Variants in PLPPR4 observed in about 807,000 individuals in gnomAD.
PLPPR4 encodes phospholipid phosphatase related 4.
A neutral mutation model predicts 56.6 loss-of-function variants in PLPPR4; 24 were observed. The ratio of observed to expected loss-of-function variants is 0.42; its 90% CI spans 0.31 to 0.60. The LOEUF (loss-of-function observed/expected upper bound fraction) is 0.60, where lower values mean the gene tolerates loss of function less well. PLPPR4 is among the 20% of genes least tolerant of loss of function. The pLI is 0.13. For missense variants in PLPPR4, 654 were observed against 885.8 expected (o/e 0.74, Z 3.32); for synonymous variants, 326 against 328.1 (o/e 0.99, Z 0.07).
intron 2 of PLPPR4, among the ~76,000 whole-genome samples, chr1:99,296,313 C>CAAT (rs2100805206): frequency 6.6e-6 from 1 of 152,294 alleles, no homozygotes. Flanking sequence ...TTCAAGTGAT[C>CAAT]AATACCTACA....
chr1:99,281,207 T>G (rs925599340), intron 1 of PLPPR4, among the ~76,000 whole-genome samples: 2 of 152,194 alleles, frequency 1.3e-5, no homozygotes, highest in African/African-American at 4.8e-5. Flanking sequence ...GTTAAGTGAC[T>G]TTCCCAAATC....
intron 2 of PLPPR4, among the ~76,000 whole-genome samples, chr1:99,294,243 T>G (rs1659688649): frequency 6.6e-6 from 1 of 152,092 alleles, no homozygotes; most frequent in African/African-American, 2.4e-5. Context: ...GTGACAGAAG[T>G]GAGTGTGAGG....
chr1:99,290,867 C>G (rs1216555856), intron 2 of PLPPR4, among the ~76,000 whole-genome samples: 4 of 151,990 alleles, frequency 2.6e-5, no homozygotes, highest in East Asian at 1.9e-4. Flanking sequence ...CAGTACCATT[C>G]AAGTCATAGG....
chr1:99,278,276 G>A (rs1659241853), intron 1 of PLPPR4, among the ~76,000 whole-genome samples: 1 of 151,980 alleles, frequency 6.6e-6, no homozygotes, highest in African/African-American at 2.4e-5. Context: ...GAATCTTACT[G>A]TATAACCTCA....
intron 1 of PLPPR4, among the ~76,000 whole-genome samples, chr1:99,285,038 TG>T (rs2100795869): frequency 6.6e-6 from 1 of 152,238 alleles, no homozygotes; most frequent in African/African-American, 2.4e-5. Context: ...TAAAGCTTCA[TG>T]AGAAAGGTGA....
intron 1 of PLPPR4, among the ~76,000 whole-genome samples, chr1:99,270,129 A>G (rs1031814364): frequency 6.6e-5 from 10 of 151,280 alleles, no homozygotes; most frequent in Middle Eastern, 3.4e-3. Flanking sequence ...GGTTCAAATG[A>G]TTCTCCCACT....
rs762002418 is a variant in PLPPR4, at chr1:99,299,241, G to C, written c.590+11G>C. The C allele has an allele frequency of 5.0e-6, 8 of 1,600,632 alleles. No individual in the cohort carries two copies. Among genetic ancestry groups the C allele is most frequent in the Non-Finnish European group, 6.8e-6 (8 of 1,169,154 alleles). On this transcript the variant is annotated intron_variant, in intron 4 of 6. Coordinates refer to ENST00000370185, the MANE Select transcript of PLPPR4 (RefSeq NM_014839.5). ...TATCAACAGTGGCAGGTTAGAAACA[G>C]ATCTAAAAACACTCTGCATCATTGT...
intron 1 of PLPPR4, among the ~76,000 whole-genome samples, chr1:99,280,008 T>TA (rs1262177619): frequency 6.6e-6 from 1 of 152,166 alleles, no homozygotes; most frequent in African/African-American, 2.4e-5. Flanking sequence ...GTTTGGGTGA[T>TA]AAAGAATAAG....
Position 99,302,540 on chromosome 1 carries a change from T to A in PLPPR4, c.822+643T>A, listed in dbSNP as rs544539251. 2.0e-5 allele frequency among the ~76,000 whole-genome samples: 3 copies of A among 151,642 alleles called. No homozygotes were observed. The South Asian group carries it at 6.3e-4, about 32-fold the overall frequency. On this transcript the variant is annotated intron_variant, in intron 6 of 6. Coordinates refer to ENST00000370185, the MANE Select transcript of PLPPR4 (RefSeq NM_014839.5). ...ATTATTATTATTATTATACTTTAAG[T>A]TTTAGGGTACATGTGCACAATGTGC...
Position 99,306,687 on chromosome 1 carries a change from C to T in PLPPR4, c.1825C>T (p.Leu609Phe), listed in dbSNP as rs1660039544. 6.2e-7 allele frequency: 1 copy of T among 1,613,988 alleles called. No individual in the cohort carries two copies. The highest frequency in any genetic ancestry group is 8.5e-7 in the Non-Finnish European group (1 of 1,180,022). ...WKWKAPEKGS[L>F]RQTYELNDLN... ...GTGGAAAGCCCCTGAAAAGGGCAGC[C>T]TTCGCCAAACTTACGAGCTCAACGA... is the stretch of plus-strand genomic sequence containing the variant. The change falls in exon 7 of 7, where the codon CTT (leucine) becomes TTT (phenylalanine). Residue 609 changes from leucine (L) to phenylalanine (F), a missense_variant. Coordinates refer to ENST00000370185, the MANE Select transcript of PLPPR4 (RefSeq NM_014839.5). This position sits in a 1 kb window ranked among gnomAD's most constrained non-coding sequence, Gnocchi z 4.0.
rs376339167 is a variant in PLPPR4 at position 99,299,772 on chromosome 1, C to T, written c.590+542C>T. 4.6e-5 allele frequency among the ~76,000 whole-genome samples: 7 copies of T among 151,778 alleles called. No homozygotes were observed. The South Asian group carries it at 6.2e-4, about 14-fold the overall frequency. ...ATTTCATTCATTCTTTGAATGAACC[C>T]GGGTGTGCATAGCTTCTGGCCTTAC... On this transcript the variant is annotated intron_variant, in intron 4 of 6. Coordinates refer to ENST00000370185, the MANE Select transcript of PLPPR4 (RefSeq NM_014839.5).
intron 4 of PLPPR4, among the ~76,000 whole-genome samples, chr1:99,300,663 C>A (rs1353995628): frequency 1.3e-5 from 2 of 151,938 alleles, no homozygotes; most frequent in Admixed American, 1.3e-4. Flanking sequence ...ATGAAGTGGC[C>A]CCTTGCCAAG....
intron 1 of PLPPR4, among the ~76,000 whole-genome samples, chr1:99,278,035 C>T (rs528573111): frequency 1.7e-4 from 26 of 152,154 alleles, no homozygotes; most frequent in Non-Finnish European, 2.8e-4. Context: ...TATACAATAT[C>T]ACACACTATA....
intron 2 of PLPPR4, among the ~76,000 whole-genome samples, chr1:99,295,101 A>T (rs1342895835): frequency 1.3e-5 from 2 of 152,222 alleles, no homozygotes; most frequent in South Asian, 4.1e-4. Flanking sequence ...TTTTTCAAAA[A>T]GTATAAATGG....
Position 99,288,094 on chromosome 1 carries a change from G to A in PLPPR4, c.208G>A (p.Glu70Lys). The A allele has an allele frequency of 6.2e-7, 1 of 1,613,782 alleles. No individual in the cohort carries two copies. ...CATGCCGTACATTGAACCAACCCAG[G>A]AGGCAATTCCATTCCTCATGTTGCT... Reference protein sequence around the residue: ...LSMPYIEPTQEAIPFLMLLSL... With the variant: ...LSMPYIEPTQKAIPFLMLLSL... Residue 70 changes from glutamate to lysine, a missense_variant, in exon 2 of 7, where the codon GAG becomes AAG. Physicochemically the swap from Glu to Lys is moderately conservative, Grantham distance 56. Coordinates refer to ENST00000370185, the MANE Select transcript of PLPPR4 (RefSeq NM_014839.5).
At chr1:99,275,127 A>G (rs1373369239) in intron 1 of PLPPR4, among the ~76,000 whole-genome samples, 3 of 152,170 alleles carry the variant, frequency 2.0e-5, no homozygotes, top group African/African-American at 7.2e-5. Flanking sequence ...TTATTAAAAC[A>G]TGAAGAACAT....
intron 1 of PLPPR4, among the ~76,000 whole-genome samples, chr1:99,287,004 CACCTATTG>C (rs776284003): frequency 6.6e-6 from 1 of 152,068 alleles, no homozygotes; most frequent in Non-Finnish European, 1.5e-5. Flanking sequence ...TGGTTTGCTG[CACCTATTG>C]ACCTGTCTTC....
At chr1:99,268,281 A>T (rs1209104717) in intron 1 of PLPPR4, among the ~76,000 whole-genome samples, 1 of 152,216 alleles carries the variant, frequency 6.6e-6, no homozygotes, top group Non-Finnish European at 1.5e-5. Flanking sequence ...CCAAGCACAA[A>T]GAGTTGGAGG....
At chr1:99,265,328 G>A (rs1442623982) in intron 1 of PLPPR4, among the ~76,000 whole-genome samples, 1 of 152,108 alleles carries the variant, frequency 6.6e-6, no homozygotes, top group Admixed American at 6.5e-5. Context: ...GACATCATCT[G>A]ATTTTACATG....
Sources: allele counts gnomAD v4.1 joint callset (sites outside exome capture counted in the v4.1 genomes callset), GRCh38; gene constraint gnomAD v4.1.1; non-coding constraint Gnocchi (gnomAD v3.1); transcripts MANE v1.5; gene names NCBI Gene and HGNC (gene_info 2026-07-23, HGNC 2026-07-21).